The following SH2D5 variants were observed in gnomAD, a reference collection of about 807,000 sequenced individuals.
The protein encoded by SH2D5 is SH2 domain-containing protein 5.
Under a neutral mutation model 48.2 loss-of-function variants are expected in SH2D5, and 45 were observed. The observed-to-expected ratio is 0.93, with a 90% confidence interval of 0.73 to 1.20. The LOEUF is 1.20. SH2D5 is among the 50% of genes most tolerant of loss of function. SH2D5 has a pLI of 0.00. For synonymous variants in SH2D5, 230 were observed against 249.8 expected (o/e 0.92, Z 0.75); for missense variants, 538 against 584.1 (o/e 0.92, Z 0.81).
chr1:20,726,736 G>A (rs117824434), intron 4 of SH2D5, among the ~76,000 whole-genome samples: 2,322 of 152,242 alleles, frequency 0.015, 41 homozygotes, highest in South Asian at 0.038. Context: ...TGGGCTGGAT[G>A]TTCCTGATGC....
At chr1:20,730,312 G>GC (rs1557620697) in intron 1 of SH2D5, among the ~76,000 whole-genome samples, 1 of 56,640 alleles carries the variant, frequency 1.8e-5, no homozygotes, top group African/African-American at 5.1e-5. Flanking sequence ...TGCTCGGGGG[G>GC]GGGGGGGACG....
rs1248045892 is a variant in SH2D5, at chr1:20,726,635, G to A, written c.243+366C>T. ...GAGCCTGCAGCAGGGCAGGGAGGAGGAGCAGTGGCCAGGAGCAGCCTACCG... is the reference window on the plus strand; with the variant it reads ...GAGCCTGCAGCAGGGCAGGGAGGAGAAGCAGTGGCCAGGAGCAGCCTACCG... On this transcript the variant is annotated intron_variant, in intron 4 of 9. Transcript: ENST00000444387. 4.6e-5 allele frequency among the ~76,000 whole-genome samples: 7 copies of A among 152,246 alleles called. No individual in the cohort carries two copies. In the East Asian group the frequency reaches 1.3e-3, roughly 29 times the overall value.
Position 20,722,840 on chromosome 1 carries a change from G to C in SH2D5, c.984C>G (p.Gly328=). ...GCGTGCGCACGGACAGACACCACTGGCCGCTAGCACCCAGCTCAGGCCACA... is the reference window on the plus strand; with the variant it reads ...GCGTGCGCACGGACAGACACCACTGCCCGCTAGCACCCAGCTCAGGCCACA... The part of the protein sequence containing the change: ...FLLWPELGAS[G]QWCLSVRTQC... Residue 328 remains glycine, a synonymous_variant, in exon 9 of 10, where the codon GGC becomes GGG. Transcript: ENST00000444387. 2 of 1,604,616 alleles carry C rather than the reference G, an allele frequency of 1.2e-6. No individual in the cohort carries two copies. Among genetic ancestry groups the C allele is most frequent in the Non-Finnish European group, 1.7e-6 (2 of 1,176,370 alleles).
intron 8 of SH2D5, 117 bp from the exon 9 acceptor site, chr1:20,723,032 T>C: frequency 2.0e-6 from 2 of 1,020,852 alleles, no homozygotes; most frequent in South Asian, 4.5e-5. Flanking sequence ...ACACGGTGCG[T>C]TGGCCGGGCT....
Position 20,728,111 on chromosome 1 carries a change from C to T in SH2D5, c.-42-25G>A. The T allele has an allele frequency of 5.8e-6, 7 of 1,205,718 alleles. No homozygotes were observed. The highest frequency in any genetic ancestry group is 8.2e-6 in the Non-Finnish European group (7 of 856,330). 74.7% of individuals were successfully genotyped at this position (1,205,718 alleles called of 1,614,324 possible). On this transcript the variant is annotated intron_variant, in intron 1 of 9. Coordinates refer to ENST00000444387, the MANE Select transcript of SH2D5 (RefSeq NM_001103161.2). This position sits in a 1 kb window ranked among gnomAD's most constrained non-coding sequence, Gnocchi z 4.3. ...GCTGCAAAGGGCAGGGGGGGAAGGGCTGCTTTCGAGGCAGGCAAGCCACAG... is the reference window on the plus strand; with the variant it reads ...GCTGCAAAGGGCAGGGGGGGAAGGGTTGCTTTCGAGGCAGGCAAGCCACAG...
At chr1:20,724,812 C>T (rs1036333409) in intron 5 of SH2D5, among the ~76,000 whole-genome samples, 177 bp from the exon 6 acceptor site, 1 of 152,242 alleles carries the variant, frequency 6.6e-6, no homozygotes, top group South Asian at 2.1e-4. Flanking sequence ...CATGCAGGCT[C>T]CCTTACCAGC....
In SH2D5 at chr1:20,723,641, A is replaced by G; in HGVS notation, c.893T>C (p.Phe298Ser). 6.2e-7 allele frequency: 1 copy of G among 1,612,846 alleles called. No homozygotes were observed. The highest frequency in any genetic ancestry group is 8.5e-7 in the Non-Finnish European group (1 of 1,179,874). ...CCCTTCCTACCTGGAGATGCCAGCG[A>G]AGGCCCAGATGTTCTCCGTCAGGCT... ...EGSLTENIWAFAGISRPCALA... is the reference protein window; with the variant it reads ...EGSLTENIWASAGISRPCALA... Residue 298 changes from phenylalanine to serine, a missense_variant, in exon 8 of 10, where the codon TTC (phenylalanine) becomes TCC (serine). Physicochemically the swap from Phe to Ser is radical, Grantham distance 155. Transcript: ENST00000444387.
intron 1 of SH2D5, among the ~76,000 whole-genome samples, chr1:20,730,496 CT>C (rs1264161832): frequency 2.6e-5 from 4 of 152,334 alleles, no homozygotes; most frequent in Non-Finnish European, 5.9e-5. Flanking sequence ...ACCACTGGCC[CT>C]CTTAGGGGCC....
In SH2D5 at chr1:20,727,578, T is replaced by C; in HGVS notation, c.113A>G (p.Asp38Gly). The change falls in exon 3 of 10, where the codon GAC becomes GGC. Residue 38 changes from aspartate to glycine, a missense_variant. Physicochemically the swap from Asp to Gly is moderately conservative, Grantham distance 94 (BLOSUM62 -1). Transcript: ENST00000444387. Reference protein sequence around the residue: ...AQYVGSFPVDDLDTQESVWLV... With the variant: ...AQYVGSFPVDGLDTQESVWLV... ...CCACACGCTCTCCTGGGTGTCCAGG[T>C]CATCCACAGGGAAGGAGCCCACGTA... 6.2e-7 allele frequency: 1 copy of C among 1,610,572 alleles called. No homozygotes were observed. Among genetic ancestry groups the C allele is most frequent in the Non-Finnish European group, 8.5e-7 (1 of 1,178,976 alleles).
chr1:20,725,401 T>G (rs1466164271), intron 5 of SH2D5, among the ~76,000 whole-genome samples: 1 of 152,202 alleles, frequency 6.6e-6, no homozygotes, highest in Non-Finnish European at 1.5e-5. Flanking sequence ...GCTTTGACTT[T>G]CTGATCTACC....
chr1:20,722,735 C>G, intron 9 of SH2D5, 21 bp downstream of exon 9: 1 of 1,442,338 alleles, frequency 6.9e-7, no homozygotes, highest in Non-Finnish European at 9.2e-7. Context: ...GCCCAGGCCC[C>G]TCTGGCTGCT....
Position 20,720,091 on chromosome 1 carries a change from G to A in SH2D5, c.*1701C>T, listed in dbSNP as rs2054658533. 1 of 152,234 alleles carries A rather than the reference G, an allele frequency of 6.6e-6. No homozygotes were observed. Among genetic ancestry groups the A allele is most frequent in the Non-Finnish European group, 1.5e-5 (1 of 68,058 alleles). The allele number at this position is 152,234 out of a possible 1,614,324, so 9.4% of individuals were successfully genotyped here. On this transcript the variant is annotated 3_prime_UTR_variant, in exon 10 of 10. Coordinates refer to ENST00000444387, the MANE Select transcript of SH2D5 (RefSeq NM_001103161.2). ...TCTCTGGGCTGTAATCCTAGACCCA[G>A]GACATGGCTAAACCTCTCTCTCCTT...
intron 3 of SH2D5, 127 bp from the exon 4 acceptor site, chr1:20,727,202 T>C: frequency 2.5e-6 from 2 of 792,328 alleles, no homozygotes; most frequent in Non-Finnish European, 3.9e-6. Flanking sequence ...GGTGGGGCCC[T>C]GGCTGGTGGA....
At position 20,726,156 on chromosome 1, in the gene SH2D5, T is replaced by A. The variant is rs1400753637; in HGVS notation, c.244-90A>T. The A allele has an allele frequency of 2.1e-6, 3 of 1,436,610 alleles. No individual in the cohort carries two copies. The African/African-American group carries it at 4.3e-5, about 21-fold the overall frequency. The allele number at this position is 1,436,610 out of a possible 1,614,324, so 89.0% of individuals were successfully genotyped here. A position where few individuals can be genotyped will look rare whatever the true frequency, so the allele number is the denominator to read the frequency against. The stretch of plus-strand genomic sequence containing the variant: ...CCTGCAGGGGTGAAGAAACCCTCCC[T>A]CCTTCCAGGCCCGCCCAGTCTCAAG... On this transcript the variant is annotated intron_variant, in intron 4 of 9. Transcript: ENST00000444387.
At chr1:20,724,657 G>A (rs1489422464) in intron 5 of SH2D5, 22 bp from the exon 6 acceptor site, 4 of 1,519,160 alleles carry the variant, frequency 2.6e-6, no homozygotes, top group East Asian at 2.3e-5. Flanking sequence ...GGAGAGAGGT[G>A]GGCTCAGCTG....
In SH2D5 at chr1:20,729,071, C is replaced by T. The variant is rs747939080; in HGVS notation, c.-42-985G>A. The stretch of plus-strand genomic sequence containing the variant: ...GGTTCTGGTCTTTCCTGGGACCCCT[C>T]TCCCACATCCAGTCGTGGAAGAGAG... On this transcript the variant is annotated intron_variant, in intron 1 of 9. Transcript: ENST00000444387. The surrounding 1 kb of genome is among the most constrained non-coding windows in gnomAD (Gnocchi z 4.2). 9.9e-5 allele frequency among the ~76,000 whole-genome samples: 15 copies of T among 152,234 alleles called. No individual in the cohort carries two copies. Among genetic ancestry groups the T allele is most frequent in the Non-Finnish European group, 1.5e-4 (10 of 68,042 alleles).
At chr1:20,727,273 C>T (rs902964897) in intron 3 of SH2D5, among the ~76,000 whole-genome samples, 198 bp from the exon 4 acceptor site, 7 of 152,128 alleles carry the variant, frequency 4.6e-5, no homozygotes, top group South Asian at 2.1e-4. Flanking sequence ...CTAGGGCCAC[C>T]GCTGGCCAGG....
rs1420855296 is a variant in SH2D5, at chr1:20,727,958, C to T, written c.87G>A (p.Gln29=). The T allele has an allele frequency of 1.3e-6, 2 of 1,570,534 alleles. No homozygotes were observed. Among genetic ancestry groups the T allele is most frequent in the Non-Finnish European group, 1.7e-6 (2 of 1,158,046 alleles). ...HRPRCITKFA[Q]YVGSFPVDDL... ...ACCTGGACAGGGTGGCCCCACCCACCTGGGCAAACTTGGTGATGCACCTGG... is the reference window on the plus strand; with the variant it reads ...ACCTGGACAGGGTGGCCCCACCCACTTGGGCAAACTTGGTGATGCACCTGG... The change falls in exon 2 of 10, where the codon CAG becomes CAA. Residue 29 remains glutamine (Q), a splice_region_variant and synonymous_variant. Transcript: ENST00000444387.
chr1:20,730,588 T>G (rs2054890185), intron 1 of SH2D5, among the ~76,000 whole-genome samples: 2 of 152,068 alleles, frequency 1.3e-5, no homozygotes, highest in Admixed American at 6.6e-5. Context: ...TCCTCCCTCC[T>G]TCCTAAGCCT....
Sources: gnomAD v4.1 joint callset for allele counts (sites outside exome capture counted in the v4.1 genomes callset) on GRCh38, gnomAD v4.1.1 for gene constraint, Gnocchi (gnomAD v3.1) non-coding constraint, MANE v1.5 for transcripts, NCBI Gene and HGNC (gene_info 2026-07-23, HGNC 2026-07-21) for gene names.